SGCA: variants seen among roughly 807,000 people sequenced by gnomAD.
The protein encoded by SGCA is sarcoglycan alpha.
Under a neutral mutation model 38.1 loss-of-function variants are expected in SGCA, and 34 were observed. That is an observed-to-expected ratio of 0.89 (90% CI 0.68 to 1.19). The LOEUF (loss-of-function observed/expected upper bound fraction) is 1.19, where lower values mean the gene tolerates loss of function less well. SGCA is among the 50% of genes most tolerant of loss of function. The probability of loss-of-function intolerance (pLI) is 0.00; values close to 1 mark genes in which losing one functional copy is unlikely to be tolerated. For missense variants in SGCA, 476 were observed against 524.9 expected (o/e 0.91, Z 0.91); for synonymous variants, 209 against 214.6 (o/e 0.97, Z 0.23).
intron 9 of SGCA, 127 bp downstream of exon 9, chr17:50,175,576 A>T (rs1905875399): frequency 4.7e-6 from 4 of 858,834 alleles, no homozygotes; most frequent in Non-Finnish European, 7.6e-6. Flanking sequence ...TGCCCCTCTG[A>T]GGCCGCTGCT....
chr17:50,168,161 G>A, intron 4 of SGCA, 142 bp downstream of exon 4: 2 of 880,064 alleles, frequency 2.3e-6, no homozygotes, highest in Admixed American at 2.0e-5. Flanking sequence ...AGGCTCTCAG[G>A]GAATGGGTGC....
rs768024803 is a variant in SGCA, at chr17:50,170,131, C to T, written c.748-12C>T. On this transcript the variant is annotated splice_polypyrimidine_tract_variant and intron_variant, in intron 6 of 9. Coordinates refer to ENST00000262018, the MANE Select transcript of SGCA (RefSeq NM_000023.4). Reference sequence around the variant, plus strand: ...AGCCACTTCCTGCGTCAGCCCTGAGCTCTCTGTGCAGGTGGATAAGTCAGT... The same window carrying T: ...AGCCACTTCCTGCGTCAGCCCTGAGTTCTCTGTGCAGGTGGATAAGTCAGT... 1.2e-6 allele frequency: 2 copies of T among 1,612,946 alleles called. No homozygotes were observed. The highest frequency in any genetic ancestry group is 1.1e-5 in the South Asian group (1 of 91,022).
At chr17:50,174,807 T>G (rs978695342) in intron 8 of SGCA, among the ~76,000 whole-genome samples, 1 of 152,028 alleles carries the variant, frequency 6.6e-6, no homozygotes, top group Non-Finnish European at 1.5e-5. Flanking sequence ...GAGCTTTCTT[T>G]TTTTTGTTTT....
At chr17:50,174,012 A>C (rs182960623) in intron 8 of SGCA, among the ~76,000 whole-genome samples, 24 of 152,270 alleles carry the variant, frequency 1.6e-4, no homozygotes, top group Admixed American at 2.6e-4. Flanking sequence ...CTGGGGCCCC[A>C]GCTCCTCTAA....
At chr17:50,171,401 T>A (rs1018936575) in intron 8 of SGCA, 1 of 420,706 alleles carries the variant, frequency 2.4e-6, no homozygotes, top group Admixed American at 2.5e-5. Flanking sequence ...CCCAATACCC[T>A]GAACCCTAGA....
At position 50,167,036 on chromosome 17, in the gene SGCA, C is replaced by G. The variant is rs905362655; in HGVS notation, c.38-332C>G. Among the ~76,000 whole-genome samples, 1 of 149,652 alleles carries G rather than the reference C, an allele frequency of 6.7e-6. No homozygotes were observed. Among genetic ancestry groups the G allele is most frequent in the East Asian group, 2.0e-4 (1 of 5,082 alleles). ...ACATACCTTCACACACACACCCCCC[C>G]ACATCCCCTCACACACACACACACC... On this transcript the variant is annotated intron_variant, in intron 1 of 9. Coordinates refer to ENST00000262018, the MANE Select transcript of SGCA (RefSeq NM_000023.4). The surrounding 1 kb of genome is among the most constrained non-coding windows in gnomAD (Gnocchi z 4.5).
chr17:50,171,626 A>T (rs780683537), intron 8 of SGCA: 1 of 456,598 alleles, frequency 2.2e-6, no homozygotes, highest in Non-Finnish European at 4.4e-6. Context: ...CCAGAGCGCC[A>T]CCTCTGCTGT....
chr17:50,168,130 G>T, intron 4 of SGCA, 111 bp downstream of exon 4: 1 of 1,074,486 alleles, frequency 9.3e-7, no homozygotes, highest in Non-Finnish European at 1.4e-6. Context: ...GTGGAGCAGG[G>T]CATCCTGGAA....
chr17:50,169,599 C>T, intron 6 of SGCA: 1 of 360,220 alleles, frequency 2.8e-6, no homozygotes, highest in Non-Finnish European at 5.1e-6. Context: ...CTCTGCGTGA[C>T]AGCTCTGTCT....
At position 50,167,220 on chromosome 17, in the gene SGCA, C is replaced by T; in HGVS notation, c.38-148C>T. On this transcript the variant is annotated intron_variant, in intron 1 of 9. Coordinates refer to ENST00000262018, the MANE Select transcript of SGCA (RefSeq NM_000023.4). The surrounding 1 kb of genome is among the most constrained non-coding windows in gnomAD (Gnocchi z 4.5). ...AGCCCAGCAGGGCTTGCTCCCCCATCCCCACCCCAATCCCTTCCTGGGAGG... is the reference window on the plus strand; with the variant it reads ...AGCCCAGCAGGGCTTGCTCCCCCATTCCCACCCCAATCCCTTCCTGGGAGG... The T allele has an allele frequency of 8.8e-7, 1 of 1,140,530 alleles. No individual in the cohort carries two copies. The highest frequency in any genetic ancestry group is 1.2e-6 in the Non-Finnish European group (1 of 800,636). 70.7% of individuals were successfully genotyped at this position (1,140,530 alleles called of 1,614,324 possible).
rs1298964839 is a variant in SGCA, at chr17:50,175,459, G to C, written c.*12+10G>C. 1 of 1,608,294 alleles carries C rather than the reference G, an allele frequency of 6.2e-7. No individual in the cohort carries two copies. The highest frequency in any genetic ancestry group is 2.2e-5 in the East Asian group (1 of 44,870). ...CTGACAGCCTAGCCAGGTAGGTCTG[G>C]TGGGTGATGCCAGCCTTATTTCTGG... On this transcript the variant is annotated intron_variant, in intron 9 of 9. Transcript: ENST00000262018.
chr17:50,166,592 T>G (rs946639737), intron 1 of SGCA, among the ~76,000 whole-genome samples: 2 of 151,784 alleles, frequency 1.3e-5, no homozygotes, highest in Non-Finnish European at 2.9e-5. Flanking sequence ...GGCCCCGTCT[T>G]CCTCTCCTCT....
rs199518562 is a variant in SGCA, at chr17:50,175,320, C to G, written c.1047C>G (p.Ala349=). Residue 349 remains alanine (A), a synonymous_variant, in exon 9 of 10, where the codon GCC becomes GCG. Coordinates refer to ENST00000262018, the MANE Select transcript of SGCA (RefSeq NM_000023.4). ...GNTEELRQMA[A]SREVPRPLST... The stretch of plus-strand genomic sequence containing the variant: ...CAGAGGAGCTGCGGCAGATGGCGGC[C>G]AGCCGCGAGGTGCCCCGGCCACTCT... The G allele has an allele frequency of 6.2e-7, 1 of 1,609,294 alleles. No homozygotes were observed. The highest frequency in any genetic ancestry group is 1.3e-5 in the African/African-American group (1 of 74,906).
intron 1 of SGCA, among the ~76,000 whole-genome samples, chr17:50,166,716 C>T (rs1904847383): frequency 7.4e-6 from 1 of 134,746 alleles, no homozygotes; most frequent in Admixed American, 7.4e-5. Context: ...GGCACCCTCA[C>T]ACACACACCC....
At chr17:50,171,750 G>A (rs1363752469) in intron 8 of SGCA, 6 of 456,686 alleles carry the variant, frequency 1.3e-5, no homozygotes, top group Non-Finnish European at 2.2e-5. Flanking sequence ...AGCCCCTTGA[G>A]CACACGCTTG....
chr17:50,169,445 A>ACACC (rs369628436), intron 6 of SGCA, 191 bp downstream of exon 6: 491 of 574,500 alleles, frequency 8.5e-4, no homozygotes, highest in African/African-American at 1.4e-3. Flanking sequence ...ACACACACAC[A>ACACC]CCCCTGAAGT....
chr17:50,172,158 G>A (rs1010882267), intron 8 of SGCA: 4 of 456,806 alleles, frequency 8.8e-6, no homozygotes, highest in African/African-American at 8.0e-5. Context: ...TTCCTCTTGA[G>A]CTCCGGCCCT....
At chr17:50,168,661 G>T in intron 5 of SGCA, 89 bp downstream of exon 5, 1 of 1,210,412 alleles carries the variant, frequency 8.3e-7, no homozygotes, top group Non-Finnish European at 1.2e-6. Flanking sequence ...TTTCCAGGTG[G>T]GGCTTTACCA....
Position 50,170,680 on chromosome 17 carries a change from A to T in SGCA, c.983+14A>T. ...GGCTACCTCCGAGTGAGTAAAGGAA[A>T]GCTGGGGGTGGGGTGGGAGCCCACC... is the stretch of plus-strand genomic sequence containing the variant. On this transcript the variant is annotated intron_variant, in intron 8 of 9. Transcript: ENST00000262018. 1.3e-6 allele frequency: 2 copies of T among 1,557,740 alleles called. No individual in the cohort carries two copies. The highest frequency in any genetic ancestry group is 1.7e-6 in the Non-Finnish European group (2 of 1,149,540).
Sources: allele counts gnomAD v4.1 joint callset (sites outside exome capture counted in the v4.1 genomes callset), GRCh38; gene constraint gnomAD v4.1.1; non-coding constraint Gnocchi (gnomAD v3.1); transcripts MANE v1.5; gene names NCBI Gene and HGNC (gene_info 2026-07-23, HGNC 2026-07-21).